The following GPC5 variants were observed in gnomAD, a reference collection of about 807,000 sequenced individuals.
GPC5 encodes the protein glypican 5.
In GPC5, 47 loss-of-function variants were observed where a neutral mutation model predicts 53.9. That is an observed-to-expected ratio of 0.87 (90% confidence interval 0.69 to 1.11). The LOEUF is 1.11. GPC5 is among the 50% of genes most tolerant of loss of function. The pLI is 0.00. For synonymous variants in GPC5, 286 were observed against 263.3 expected, an observed-to-expected ratio of 1.09 and a Z score of -0.84; for missense variants, 748 against 713.1, an observed-to-expected ratio of 1.05 and a Z score of -0.56.
At chr13:92,317,653 C>G (rs1415296660) in intron 7 of GPC5, among the ~76,000 whole-genome samples, 1 of 125,908 alleles carries the variant, frequency 7.9e-6, no homozygotes, top group Non-Finnish European at 1.6e-5. Context: ...ACAATCATGT[C>G]TGCTAATTTT....
chr13:92,713,637 T>A (rs1888227912), intron 7 of GPC5, among the ~76,000 whole-genome samples: 1 of 151,634 alleles, frequency 6.6e-6, no homozygotes, highest in African/African-American at 2.4e-5. Context: ...TCAATATTTT[T>A]AACTCTTAGG....
At chr13:92,544,023 C>T (rs1882018833) in intron 7 of GPC5, among the ~76,000 whole-genome samples, 2 of 151,454 alleles carry the variant, frequency 1.3e-5, no homozygotes, top group African/African-American at 2.4e-5. Flanking sequence ...TTTCAAAATG[C>T]CAAATAGAAG....
At chr13:91,853,494 G>C (rs1566304629) in intron 5 of GPC5, among the ~76,000 whole-genome samples, 1 of 151,952 alleles carries the variant, frequency 6.6e-6, no homozygotes, top group Non-Finnish European at 1.5e-5. Context: ...AGCATGGAGA[G>C]ATTTACAACA....
intron 7 of GPC5, among the ~76,000 whole-genome samples, chr13:92,294,833 T>G (rs1453369772): frequency 4.6e-5 from 6 of 130,684 alleles, no homozygotes; most frequent in South Asian, 2.3e-4. Context: ...TTTCTTTTTT[T>G]TTTTTTTTTT....
At chr13:91,762,733 GA>G (rs1381344584) in intron 5 of GPC5, among the ~76,000 whole-genome samples, 2 of 151,898 alleles carry the variant, frequency 1.3e-5, no homozygotes, top group Non-Finnish European at 2.9e-5. Context: ...AGTGTGATTT[GA>G]AGACTTCTTC....
At chr13:91,469,934 G>A (rs998504952) in intron 2 of GPC5, among the ~76,000 whole-genome samples, 6 of 152,130 alleles carry the variant, frequency 3.9e-5, no homozygotes, top group Admixed American at 6.5e-5. Flanking sequence ...CAGCTTCTCA[G>A]GAGGCTGAGG....
At chr13:91,818,075 T>C (rs1254772882) in intron 5 of GPC5, among the ~76,000 whole-genome samples, 1 of 152,210 alleles carries the variant, frequency 6.6e-6, no homozygotes, top group Non-Finnish European at 1.5e-5. Flanking sequence ...ATTGTTGGGA[T>C]AAATTGTGCA....
At chr13:92,004,491 A>G (rs1309224191) in intron 6 of GPC5, among the ~76,000 whole-genome samples, 2 of 69,768 alleles carry the variant, frequency 2.9e-5, no homozygotes, top group Non-Finnish European at 2.9e-5. Context: ...TATATATATA[A>G]TTACACTATA....
intron 5 of GPC5, among the ~76,000 whole-genome samples, chr13:91,879,121 CT>C (rs2039237222): frequency 6.6e-6 from 1 of 151,922 alleles, no homozygotes; most frequent in Non-Finnish European, 1.5e-5. Context: ...CATGTACTCT[CT>C]TTTTCATATA....
At chr13:92,101,653 C>A (rs946232243) in intron 6 of GPC5, among the ~76,000 whole-genome samples, 2 of 152,188 alleles carry the variant, frequency 1.3e-5, no homozygotes, top group African/African-American at 4.8e-5. Flanking sequence ...ATGCACACTA[C>A]CTCAAGTCAT....
At chr13:92,546,112 G>C (rs1168892924) in intron 7 of GPC5, among the ~76,000 whole-genome samples, 1 of 152,096 alleles carries the variant, frequency 6.6e-6, no homozygotes. Flanking sequence ...ACAAGACAGG[G>C]ATGCTCTCTC....
intron 4 of GPC5, among the ~76,000 whole-genome samples, chr13:91,741,230 G>T (rs1228721521): frequency 6.6e-6 from 1 of 151,844 alleles, no homozygotes; most frequent in African/African-American, 2.4e-5. Flanking sequence ...TTTCAATTTT[G>T]TCTTCAGAAC....
intron 7 of GPC5, among the ~76,000 whole-genome samples, chr13:92,191,917 G>T (rs963347178): frequency 1.6e-4 from 25 of 152,144 alleles, no homozygotes; most frequent in Non-Finnish European, 3.1e-4. Flanking sequence ...ACACAACCCC[G>T]TTGTAAGTCA....
rs2038729522 is a variant in GPC5, at chr13:91,837,051, A to G, written c.1281-70886A>G. Among the ~76,000 whole-genome samples the G allele has an allele frequency of 2.0e-5, 3 of 149,544 alleles. 1 individual carries two copies. The South Asian group carries it at 6.2e-4, about 31-fold the overall frequency. On this transcript the variant is annotated intron_variant, in intron 5 of 7. Coordinates refer to ENST00000377067, the MANE Select transcript of GPC5 (RefSeq NM_004466.6). ...GAGATGAAATTTAATATTTTAATAT[A>G]TATTTATATTTATTTATTGATTTGA...
intron 6 of GPC5, among the ~76,000 whole-genome samples, chr13:92,051,480 A>G (rs897830990): frequency 6.6e-6 from 1 of 151,562 alleles, no homozygotes; most frequent in East Asian, 1.9e-4. Context: ...GATTACAGGC[A>G]TGAGCTACTG....
At chr13:92,333,052 C>G (rs2043298848) in intron 7 of GPC5, among the ~76,000 whole-genome samples, 1 of 152,150 alleles carries the variant, frequency 6.6e-6, no homozygotes, top group South Asian at 2.1e-4. Flanking sequence ...AGAGCAGAGT[C>G]TCACCAGTGA....
chr13:92,405,828 TG>T (rs1875770813), intron 7 of GPC5, among the ~76,000 whole-genome samples: 1 of 152,200 alleles, frequency 6.6e-6, no homozygotes, highest in African/African-American at 2.4e-5. Context: ...ACACGTTTAT[TG>T]GAAAGTTAGG....
At chr13:91,948,503 A>G (rs1199154757) in intron 6 of GPC5, among the ~76,000 whole-genome samples, 1 of 151,662 alleles carries the variant, frequency 6.6e-6, no homozygotes, top group African/African-American at 2.4e-5. Flanking sequence ...AATCTGGGAA[A>G]GAATTTGAGG....
intron 7 of GPC5, among the ~76,000 whole-genome samples, chr13:92,551,482 G>T (rs1882309702): frequency 2.0e-5 from 3 of 151,758 alleles, no homozygotes; most frequent in Admixed American, 6.6e-5. Context: ...CATTTACTTT[G>T]CAAAAACAGA....
Sources: allele counts gnomAD v4.1 joint callset (sites outside exome capture counted in the v4.1 genomes callset), GRCh38; gene constraint gnomAD v4.1.1; transcripts MANE v1.5; gene names NCBI Gene and HGNC (gene_info 2026-07-23, HGNC 2026-07-21).